The following MTHFD2L variants were observed in gnomAD, a reference collection of about 807,000 sequenced individuals.
MTHFD2L encodes methylenetetrahydrofolate dehydrogenase (NADP+ dependent) 2 like.
A neutral mutation model predicts 34.9 loss-of-function variants in MTHFD2L; 29 were observed. That is an observed-to-expected ratio of 0.83 (90% confidence interval 0.62 to 1.13). MTHFD2L has a LOEUF of 1.13. Ranked by LOEUF, MTHFD2L falls within the 50% of genes most tolerant of loss-of-function variation. MTHFD2L has a pLI of 0.00. For synonymous variants in MTHFD2L, 167 were observed against 155.7 expected (o/e 1.07, Z -0.54); for missense variants, 481 against 446.5 (o/e 1.08, Z -0.70).
intron 6 of MTHFD2L, among the ~76,000 whole-genome samples, chr4:74,243,335 T>C (rs1741971883): frequency 6.6e-6 from 1 of 152,152 alleles, no homozygotes; most frequent in Non-Finnish European, 1.5e-5. Context: ...CAGGTTATCT[T>C]TGTACTCCCA....
rs568891783 is a variant in MTHFD2L, at chr4:74,270,804, C to G, written c.806-10621C>G. ...TCCCACCAACAGTGTCAAAGTGTTC[C>G]TATTTCTCCACATCCTCTCCAGCAC... On this transcript the variant is annotated intron_variant, in intron 6 of 7. Transcript: ENST00000325278. Among the ~76,000 whole-genome samples, 11 of 152,140 alleles carry G rather than the reference C, an allele frequency of 7.2e-5. No individual in the cohort carries two copies. The South Asian group carries it at 2.3e-3, about 32-fold the overall frequency.
At chr4:74,276,618 A>G (rs1193171297) in intron 6 of MTHFD2L, among the ~76,000 whole-genome samples, 1 of 152,120 alleles carries the variant, frequency 6.6e-6, no homozygotes, top group Admixed American at 6.6e-5. Context: ...GTTTTATCCA[A>G]TGACAAGAAT....
At chr4:74,210,085 A>G (rs1736039508) in intron 5 of MTHFD2L, among the ~76,000 whole-genome samples, 2 of 152,080 alleles carry the variant, frequency 1.3e-5, no homozygotes, top group Admixed American at 1.3e-4. Flanking sequence ...TAGATTCCAG[A>G]TATTAGCCCT....
intron 7 of MTHFD2L, among the ~76,000 whole-genome samples, chr4:74,292,470 A>G (rs1749079710): frequency 6.6e-6 from 1 of 152,080 alleles, no homozygotes; most frequent in South Asian, 2.1e-4. Flanking sequence ...GACTACAGAG[A>G]TTAAGGCCCT....
intron 6 of MTHFD2L, among the ~76,000 whole-genome samples, chr4:74,250,130 T>G (rs1328875845): frequency 3.3e-5 from 5 of 152,206 alleles, no homozygotes; most frequent in Non-Finnish European, 7.3e-5. Context: ...CAGACGCAGA[T>G]TTGGTCTTTT....
intron 3 of MTHFD2L, among the ~76,000 whole-genome samples, chr4:74,199,461 A>T (rs546169944): frequency 1.9e-4 from 29 of 152,214 alleles, no homozygotes; most frequent in African/African-American, 6.5e-4. Flanking sequence ...AAACCCTGTA[A>T]ATATACAAAC....
intron 3 of MTHFD2L, among the ~76,000 whole-genome samples, chr4:74,177,031 A>G (rs1232434790): frequency 6.6e-6 from 1 of 151,984 alleles, no homozygotes; most frequent in Non-Finnish European, 1.5e-5. Context: ...AGCTGCACTG[A>G]CAAAAATCAT....
intron 7 of MTHFD2L, among the ~76,000 whole-genome samples, chr4:74,300,470 A>AG (rs2110336520): frequency 6.6e-6 from 1 of 152,200 alleles, no homozygotes; most frequent in East Asian, 1.9e-4. Flanking sequence ...TGATTCATGC[A>AG]GAAGTCTATA....
At chr4:74,200,332 A>C (rs1255204451) in intron 4 of MTHFD2L, among the ~76,000 whole-genome samples, 1 of 152,044 alleles carries the variant, frequency 6.6e-6, no homozygotes, top group Non-Finnish European at 1.5e-5. Context: ...CAAAACAAAC[A>C]AAACAAACAG....
chr4:74,177,164 GA>G (rs974475661), intron 3 of MTHFD2L, among the ~76,000 whole-genome samples: 7 of 151,584 alleles, frequency 4.6e-5, no homozygotes, highest in East Asian at 3.9e-4. Context: ...TTTAAAACTA[GA>G]AAAAAAATTC....
At chr4:74,281,113 C>T (rs531602129) in intron 6 of MTHFD2L, among the ~76,000 whole-genome samples, 2 of 152,160 alleles carry the variant, frequency 1.3e-5, no homozygotes, top group East Asian at 1.9e-4. Flanking sequence ...CCGCAGTCTC[C>T]CCATGCCATT....
chr4:74,252,258 G>A (rs576353677), intron 6 of MTHFD2L, among the ~76,000 whole-genome samples: 1 of 152,274 alleles, frequency 6.6e-6, no homozygotes, highest in Admixed American at 6.5e-5. Flanking sequence ...AGCCGTGACT[G>A]CAAGGCCTGT....
At chr4:74,166,475 C>G (rs865964593) in intron 1 of MTHFD2L, among the ~76,000 whole-genome samples, 10 of 152,324 alleles carry the variant, frequency 6.6e-5, no homozygotes, top group African/African-American at 2.4e-4. Flanking sequence ...TTCTTCCCTT[C>G]CTTTTGAAGA....
At chr4:74,201,568 ATTTT>A (rs5859422) in intron 5 of MTHFD2L, among the ~76,000 whole-genome samples, 198 bp downstream of exon 5, 8 of 141,204 alleles carry the variant, frequency 5.7e-5, no homozygotes, top group African/African-American at 2.1e-4. Context: ...CATTTTCTCT[ATTTT>A]TTTTTTTTTT....
intron 6 of MTHFD2L, among the ~76,000 whole-genome samples, chr4:74,275,015 C>T (rs761114127): frequency 1.4e-4 from 21 of 151,884 alleles, no homozygotes; most frequent in Admixed American, 3.3e-4. Context: ...CATAGGTATC[C>T]GTATGCCATG....
chr4:74,190,171 A>C (rs1281787876), intron 3 of MTHFD2L, among the ~76,000 whole-genome samples: 2 of 151,968 alleles, frequency 1.3e-5, no homozygotes, highest in Non-Finnish European at 2.9e-5. Context: ...CCTGTTCACT[A>C]ATCTAAGTGT....
chr4:74,255,136 C>CAAAAAAA (rs34300013), intron 6 of MTHFD2L, among the ~76,000 whole-genome samples: 11 of 69,170 alleles, frequency 1.6e-4, no homozygotes, highest in African/African-American at 2.5e-4. Flanking sequence ...ACTCCATCTC[C>CAAAAAAA]AAAAAAAAAA....
intron 3 of MTHFD2L, chr4:74,183,620 C>G (rs1332209496): frequency 1.3e-5 from 2 of 152,024 alleles, no homozygotes; most frequent in Non-Finnish European, 2.9e-5. Flanking sequence ...CCACTGGACT[C>G]CAGCCTGGGC....
chr4:74,247,038 G>A (rs1255117151), intron 6 of MTHFD2L, among the ~76,000 whole-genome samples: 1 of 148,128 alleles, frequency 6.8e-6, no homozygotes, highest in Non-Finnish European at 1.5e-5. Context: ...AGCTTGATGG[G>A]GATGGCATTG....
Sources: allele counts gnomAD v4.1 joint callset (sites outside exome capture counted in the v4.1 genomes callset), GRCh38; gene constraint gnomAD v4.1.1; transcripts MANE v1.5; gene names NCBI Gene and HGNC (gene_info 2026-07-23, HGNC 2026-07-21).